TAFA1: variants seen among roughly 807,000 people sequenced by gnomAD.
TAFA1 encodes the protein chemokine-like protein TAFA-1.
In TAFA1, 4 loss-of-function variants were observed where a neutral mutation model predicts 18.5. The observed-to-expected ratio is 0.22, with a 90% CI of 0.11 to 0.49. TAFA1 has a LOEUF of 0.49. Ranked by LOEUF, TAFA1 falls within the 20% of genes least tolerant of loss-of-function variation. The pLI, the probability that TAFA1 is intolerant of heterozygous loss-of-function variation, is 0.98. For synonymous variants in TAFA1, 56 were observed against 55.2 expected (o/e 1.01, Z -0.06); for missense variants, 147 against 169.0 (o/e 0.87, Z 0.72).
At chr3:68,447,475 C>G (rs779382069) in intron 3 of TAFA1, among the ~76,000 whole-genome samples, 7 of 152,164 alleles carry the variant, frequency 4.6e-5, no homozygotes, top group Non-Finnish European at 7.3e-5. Flanking sequence ...CACTCATTCC[C>G]CCAGTGAACT....
chr3:68,271,634 G>A (rs908308560), intron 2 of TAFA1, among the ~76,000 whole-genome samples: 2 of 152,066 alleles, frequency 1.3e-5, no homozygotes, highest in African/African-American at 2.4e-5. Flanking sequence ...GTTGAGAAAC[G>A]TTTTCTGATG....
intron 2 of TAFA1, among the ~76,000 whole-genome samples, chr3:68,307,428 C>G (rs1243845443): frequency 6.6e-6 from 1 of 152,158 alleles, no homozygotes; most frequent in Non-Finnish European, 1.5e-5. Context: ...TAAATACAGA[C>G]TAGCTCCAAA....
chr3:68,524,816 G>A (rs549067347), intron 3 of TAFA1, among the ~76,000 whole-genome samples: 3 of 151,982 alleles, frequency 2.0e-5, no homozygotes, highest in East Asian at 1.9e-4. Flanking sequence ...GACTACAGGC[G>A]CCCGCCACCA....
chr3:68,008,784 C>G (rs373675179), intron 2 of TAFA1, among the ~76,000 whole-genome samples: 1 of 152,052 alleles, frequency 6.6e-6, no homozygotes, highest in Non-Finnish European at 1.5e-5. Flanking sequence ...CATGGCAGAA[C>G]TAGTGAGTGG....
chr3:68,319,639 C>A lies in TAFA1; in HGVS notation c.119-97641C>A, dbSNP rs145363557. ...CCATTGTTACCACTTAGGACTTTGA[C>A]TAAGTTAAATTCATTCTTGGCTTTG... On this transcript the variant is annotated intron_variant, in intron 2 of 4. Transcript: ENST00000478136. 6.3e-3 allele frequency among the ~76,000 whole-genome samples: 953 copies of A among 152,352 alleles called. 7 individuals carry two copies. Among genetic ancestry groups the A allele is most frequent in the South Asian group, 0.015 (71 of 4,830 alleles).
At chr3:68,340,187 A>G (rs2069056659) in intron 2 of TAFA1, among the ~76,000 whole-genome samples, 1 of 152,214 alleles carries the variant, frequency 6.6e-6, no homozygotes. Flanking sequence ...AAGACAGCAC[A>G]GAATCCTAAA....
At chr3:68,333,085 G>A (rs1020399540) in intron 2 of TAFA1, among the ~76,000 whole-genome samples, 1 of 152,168 alleles carries the variant, frequency 6.6e-6, no homozygotes, top group Non-Finnish European at 1.5e-5. Flanking sequence ...ACTGTGGAAA[G>A]CAGTTTGACA....
chr3:68,328,490 C>G (rs1398861594), intron 2 of TAFA1, among the ~76,000 whole-genome samples: 1 of 152,128 alleles, frequency 6.6e-6, no homozygotes, highest in Non-Finnish European at 1.5e-5. Context: ...GTCTGCTGGG[C>G]CGGGAAGCTA....
chr3:68,050,449 G>T (rs2064455169), intron 2 of TAFA1, among the ~76,000 whole-genome samples: 1 of 152,026 alleles, frequency 6.6e-6, no homozygotes, highest in African/African-American at 2.4e-5. Context: ...TTTGGCTGGG[G>T]ATTTGGGCTG....
intron 2 of TAFA1, among the ~76,000 whole-genome samples, chr3:68,122,666 G>A (rs186144766): frequency 1.9e-4 from 29 of 152,012 alleles, no homozygotes; most frequent in African/African-American, 6.5e-4. Context: ...TTTGTAAAAG[G>A]CAAAGCCTGA....
intron 2 of TAFA1, chr3:68,145,034 T>C: frequency 6.2e-7 from 1 of 1,606,732 alleles, no homozygotes; most frequent in South Asian, 1.1e-5. Context: ...AGAAAGCGCC[T>C]TTAGTTTCAA....
At chr3:68,446,895 G>C (rs1338009083) in intron 3 of TAFA1, among the ~76,000 whole-genome samples, 4 of 152,158 alleles carry the variant, frequency 2.6e-5, no homozygotes, top group Non-Finnish European at 5.9e-5. Flanking sequence ...AGAATGGACA[G>C]ATCTGTATCA....
chr3:68,295,047 T>A (rs1411854918), intron 2 of TAFA1, among the ~76,000 whole-genome samples: 1 of 152,138 alleles, frequency 6.6e-6, no homozygotes, highest in Non-Finnish European at 1.5e-5. Flanking sequence ...GCTCTCTGTC[T>A]TTGCACAATT....
At chr3:68,334,733 A>G (rs1172617859) in intron 2 of TAFA1, among the ~76,000 whole-genome samples, 3 of 152,064 alleles carry the variant, frequency 2.0e-5, no homozygotes, top group Admixed American at 1.3e-4. Flanking sequence ...TGTCTCACTC[A>G]TGTTACATGT....
At chr3:68,120,145 T>TTTTC (rs1005778432) in intron 2 of TAFA1, among the ~76,000 whole-genome samples, 1 of 151,840 alleles carries the variant, frequency 6.6e-6, no homozygotes, top group African/African-American at 2.4e-5. Context: ...CCATATTTCA[T>TTTTC]TTTCTTTCTT....
intron 2 of TAFA1, among the ~76,000 whole-genome samples, chr3:68,152,758 C>G (rs2065821575): frequency 6.6e-6 from 1 of 152,122 alleles, no homozygotes; most frequent in African/African-American, 2.4e-5. Flanking sequence ...CCCACCATCT[C>G]CAGGCTTATA....
intron 2 of TAFA1, among the ~76,000 whole-genome samples, chr3:68,172,238 C>A (rs1218933018): frequency 1.3e-5 from 2 of 152,066 alleles, no homozygotes; most frequent in Non-Finnish European, 2.9e-5. Context: ...AAAGGCTCCC[C>A]AATAAGACTA....
At chr3:68,469,936 C>T (rs1378095374) in intron 3 of TAFA1, among the ~76,000 whole-genome samples, 1 of 152,136 alleles carries the variant, frequency 6.6e-6, no homozygotes, top group African/African-American at 2.4e-5. Context: ...CACTTAAGAA[C>T]ATGATGGAAG....
rs78744201 is a variant in TAFA1 at position 68,449,463 on chromosome 3, T to C, written c.259+32043T>C. Among the ~76,000 whole-genome samples, 266 of 152,264 alleles carry C rather than the reference T, an allele frequency of 1.7e-3. 4 individuals are homozygous for C. In the East Asian group the frequency reaches 0.04, roughly 23 times the overall value. On this transcript the variant is annotated intron_variant, in intron 3 of 4. Transcript: ENST00000478136. ...ACCCTAATGTCTTCTAAGTAGGTGA[T>C]TTACATGATCAAACTTATGTTTTAG...
Sources: gnomAD v4.1 joint callset for allele counts (sites outside exome capture counted in the v4.1 genomes callset) on GRCh38, gnomAD v4.1.1 for gene constraint, MANE v1.5 for transcripts, NCBI Gene and HGNC (gene_info 2026-07-23, HGNC 2026-07-21) for gene names.